The following EID1 variants were observed in gnomAD, a reference collection of about 807,000 sequenced individuals.
EID1 encodes the protein EP300-interacting inhibitor of differentiation 1.
In EID1, 3 loss-of-function variants were observed where a neutral mutation model predicts 13.7. That is an observed-to-expected ratio of 0.22 (90% CI 0.10 to 0.57). The LOEUF is 0.57. Ranked by LOEUF, EID1 falls within the 20% of genes least tolerant of loss-of-function variation. The probability of loss-of-function intolerance (pLI) is 0.92; values close to 1 mark genes in which losing one functional copy is unlikely to be tolerated. For synonymous variants in EID1, 105 were observed against 97.6 expected, an observed-to-expected ratio of 1.08 and a Z score of -0.44; for missense variants, 261 against 247.6, an observed-to-expected ratio of 1.05 and a Z score of -0.36.
rs377406557 is a variant in EID1, at chr15:48,878,213, G to C, written c.37G>C (p.Glu13Gln). The change falls in exon 1 of 1, where the codon GAG becomes CAG. Residue 13 changes from glutamate (E) to glutamine (Q), a missense_variant. By Grantham distance (29) the Glu-to-Gln change is conservative. Coordinates refer to ENST00000530028, the MANE Select transcript of EID1 (RefSeq NM_014335.3). ...EMAELSELYE[E>Q]SSDLQMDVMP... is the part of the protein sequence containing the mutation. ...GGCTGAGTTGTCCGAGCTGTATGAAGAGAGCAGTGACCTGCAGATGGATGT... is the reference window on the plus strand; with the variant it reads ...GGCTGAGTTGTCCGAGCTGTATGAACAGAGCAGTGACCTGCAGATGGATGT... The C allele has an allele frequency of 3.8e-6, 6 of 1,593,812 alleles. No homozygotes were observed. In the Admixed American group the frequency reaches 5.1e-5, roughly 14 times the overall value.
chr15:48,879,346 TTTTG>T lies in EID1; in HGVS notation c.*612_*615del, dbSNP rs1360445760. 4 of 167,174 alleles carry T rather than the reference TTTTG, an allele frequency of 2.4e-5. No individual in the cohort carries two copies. Among genetic ancestry groups the T allele is most frequent in the Non-Finnish European group, 4.4e-5 (3 of 68,170 alleles). 10.4% of individuals were successfully genotyped at this position (167,174 alleles called of 1,614,324 possible). Reference sequence around the variant, plus strand: ...GATGTGTTTCCAAGAGCATCTGAAATTTTGTTTGTACATGTATCTTGATCATTTA... The same window carrying T: ...GATGTGTTTCCAAGAGCATCTGAAATTTTGTACATGTATCTTGATCATTTA... On this transcript the variant is annotated 3_prime_UTR_variant, in exon 1 of 1. Transcript: ENST00000530028.
Position 48,878,575 on chromosome 15 carries a change from G to C in EID1, c.399G>C (p.Lys133Asn), listed in dbSNP as rs1567059769. 2.5e-6 allele frequency: 4 copies of C among 1,614,078 alleles called. No homozygotes were observed. Among genetic ancestry groups the C allele is most frequent in the Non-Finnish European group, 3.4e-6 (4 of 1,179,898 alleles). Residue 133 changes from lysine to asparagine, a missense_variant, in exon 1 of 1, where the codon AAG (lysine) becomes AAC (asparagine). By Grantham distance (94) the Lys-to-Asn change is moderately conservative (BLOSUM62 0). This residue lies in a region of EID1 where 244 missense variants were observed against 210.8 expected (regional missense o/e 1.16). Coordinates refer to ENST00000530028, the MANE Select transcript of EID1 (RefSeq NM_014335.3). ...CAGCCGCTCTTGAAGAAGCCGACAA[G>C]ATGTTTCTGAGAACAAGAGAACCAG... is the stretch of plus-strand genomic sequence containing the variant. ...RVSAALEEAD[K>N]MFLRTREPAL...
rs1236981975 is a variant in EID1, at chr15:48,878,333, G to A, written c.157G>A (p.Glu53Lys). ...RPSRSGAQQL[E>K]EEGPMEEEEA... ...CTCCCGCAGCGGGGCCCAACAGCTC[G>A]AGGAGGAAGGCCCAATGGAGGAGGA... The change falls in exon 1 of 1, where the codon GAG becomes AAG. Residue 53 changes from glutamate to lysine, a missense_variant. By Grantham distance (56) the Glu-to-Lys change is moderately conservative. Transcript: ENST00000530028. 13 of 1,613,630 alleles carry A rather than the reference G, an allele frequency of 8.1e-6. No homozygotes were observed. Among genetic ancestry groups the A allele is most frequent in the Non-Finnish European group, 1.1e-5 (13 of 1,179,646 alleles).
chr15:48,878,173 C>G lies in EID1; in HGVS notation c.-4C>G, dbSNP rs767143351. 6.5e-7 allele frequency: 1 copy of G among 1,548,276 alleles called. No individual in the cohort carries two copies. Among genetic ancestry groups the G allele is most frequent in the African/African-American group, 1.4e-5 (1 of 73,406 alleles). ...TTTTTCCTAGAGGTTGAGCGGTTTG[C>G]ACAATGTCGGAAATGGCTGAGTTGT... On this transcript the variant is annotated 5_prime_UTR_variant, in exon 1 of 1. Transcript: ENST00000530028.
In EID1 at chr15:48,878,306, C is replaced by G; in HGVS notation, c.130C>G (p.Pro44Ala). ...GSGSRELSLR[P>A]SRSGAQQLEE... ...CGGGAGCCGGGAGCTATCCCTGCGT[C>G]CCTCCCGCAGCGGGGCCCAACAGCT... The change falls in exon 1 of 1, where the codon CCC (proline) becomes GCC (alanine). Residue 44 changes from proline (P) to alanine (A), a missense_variant. This residue lies in a region of EID1 where 244 missense variants were observed against 210.8 expected (regional missense o/e 1.16). Transcript: ENST00000530028. The G allele has an allele frequency of 6.2e-7, 1 of 1,613,730 alleles. No individual in the cohort carries two copies. Among genetic ancestry groups the G allele is most frequent in the African/African-American group, 1.3e-5 (1 of 75,078 alleles).
chr15:48,879,620 T>A lies in EID1; in HGVS notation c.*880T>A, dbSNP rs928174565. 6.0e-6 allele frequency: 1 copy of A among 167,080 alleles called. No individual in the cohort carries two copies. The highest frequency in any genetic ancestry group is 2.4e-5 in the African/African-American group (1 of 41,452). 10.3% of individuals were successfully genotyped at this position (167,080 alleles called of 1,614,324 possible). ...ATATTGTAAGAACTGTTAATAAAAG[T>A]TGTCAAGTAAAAAGCGCTATATCTA... is the stretch of plus-strand genomic sequence containing the variant. On this transcript the variant is annotated 3_prime_UTR_variant, in exon 1 of 1. Coordinates refer to ENST00000530028, the MANE Select transcript of EID1 (RefSeq NM_014335.3).
Position 48,878,602 on chromosome 15 carries a change from C to T in EID1, c.426C>T (p.Ala142=). ...DKMFLRTREP[A]LDGGFQMHYE... is the part of the protein sequence containing the mutation. ...TGTTTCTGAGAACAAGAGAACCAGC[C>T]CTGGATGGCGGGTTTCAGATGCATT... The change falls in exon 1 of 1, where the codon GCC becomes GCT. Residue 142 remains alanine, a synonymous_variant. Coordinates refer to ENST00000530028, the MANE Select transcript of EID1 (RefSeq NM_014335.3). The T allele has an allele frequency of 1.2e-6, 2 of 1,614,018 alleles. No homozygotes were observed. Among genetic ancestry groups the T allele is most frequent in the South Asian group, 1.1e-5 (1 of 91,090 alleles).
chr15:48,878,435 C>G lies in EID1; in HGVS notation c.259C>G (p.Gln87Glu). Residue 87 changes from glutamine (Q) to glutamate (E), a missense_variant, in exon 1 of 1, where the codon CAG becomes GAG. Transcript: ENST00000530028. ...GCCCAACGCTGGGGAGCAGCCAGGC[C>G]AGGTGGCGGGCGCAGACTTCGAGAG... ...NGPNAGEQPGQVAGADFESED... is the reference protein window; with the variant it reads ...NGPNAGEQPGEVAGADFESED... 6.2e-7 allele frequency: 1 copy of G among 1,612,806 alleles called. No homozygotes were observed. Among genetic ancestry groups the G allele is most frequent in the Non-Finnish European group, 8.5e-7 (1 of 1,179,334 alleles).
rs1899885312 is a variant in EID1, at chr15:48,878,921, TAAAG to T, written c.*185_*188del. ...AGTTGTGAAAAAGGAAGAGAATCAT[TAAAG>T]AAAAAGAAAAAAGATTTTAAGACCG... is the stretch of plus-strand genomic sequence containing the variant. On this transcript the variant is annotated 3_prime_UTR_variant, in exon 1 of 1. Transcript: ENST00000530028. 1 of 513,832 alleles carries T rather than the reference TAAAG, an allele frequency of 1.9e-6. No individual in the cohort carries two copies. The highest frequency in any genetic ancestry group is 3.0e-5 in the East Asian group (1 of 33,602). 31.8% of individuals were successfully genotyped at this position (513,832 alleles called of 1,614,324 possible).
At position 48,878,317 on chromosome 15, in the gene EID1, C is replaced by T. The variant is rs375455351; in HGVS notation, c.141C>T (p.Ser47=). The T allele has an allele frequency of 3.6e-5, 58 of 1,613,428 alleles. No homozygotes were observed. In the African/African-American group the frequency reaches 6.8e-4, roughly 19 times the overall value. The change falls in exon 1 of 1, where the codon AGC becomes AGT. Residue 47 remains serine, a synonymous_variant. Coordinates refer to ENST00000530028, the MANE Select transcript of EID1 (RefSeq NM_014335.3). ...AGCTATCCCTGCGTCCCTCCCGCAGCGGGGCCCAACAGCTCGAGGAGGAAG... is the reference window on the plus strand; with the variant it reads ...AGCTATCCCTGCGTCCCTCCCGCAGTGGGGCCCAACAGCTCGAGGAGGAAG... ...SRELSLRPSR[S]GAQQLEEEGP...
At position 48,878,417 on chromosome 15, in the gene EID1, G is replaced by A. The variant is rs1899868190; in HGVS notation, c.241G>A (p.Ala81Thr). Residue 81 changes from alanine (A) to threonine (T), a missense_variant, in exon 1 of 1, where the codon GCT becomes ACT. Transcript: ENST00000530028. ...ACGGAGCCTTGCTAACGGGCCCAACGCTGGGGAGCAGCCAGGCCAGGTGGC... is the reference window on the plus strand; with the variant it reads ...ACGGAGCCTTGCTAACGGGCCCAACACTGGGGAGCAGCCAGGCCAGGTGGC... ...GKRSLANGPN[A>T]GEQPGQVAGA... 1.9e-6 allele frequency: 3 copies of A among 1,611,984 alleles called. No individual in the cohort carries two copies. The African/African-American group carries it at 4.0e-5, about 22-fold the overall frequency.
chr15:48,878,343 G>T lies in EID1; in HGVS notation c.167G>T (p.Gly56Val). The part of the protein sequence containing the change: ...RSGAQQLEEE[G>V]PMEEEEAQPM... The stretch of plus-strand genomic sequence containing the variant: ...GGGGCCCAACAGCTCGAGGAGGAAG[G>T]CCCAATGGAGGAGGAGGAGGCCCAG... Residue 56 changes from glycine (G) to valine (V), a missense_variant, in exon 1 of 1, where the codon GGC becomes GTC. Gly to Val is a moderately radical substitution (Grantham distance 109). Coordinates refer to ENST00000530028, the MANE Select transcript of EID1 (RefSeq NM_014335.3). 1 of 1,613,686 alleles carries T rather than the reference G, an allele frequency of 6.2e-7. No individual in the cohort carries two copies. Among genetic ancestry groups the T allele is most frequent in the African/African-American group, 1.3e-5 (1 of 75,068 alleles).
Position 48,878,784 on chromosome 15 carries a change from C to G in EID1, c.*44C>G, listed in dbSNP as rs773420485. The G allele has an allele frequency of 6.5e-7, 1 of 1,535,424 alleles. No homozygotes were observed. Among genetic ancestry groups the G allele is most frequent in the East Asian group, 2.3e-5 (1 of 43,654 alleles). On this transcript the variant is annotated 3_prime_UTR_variant, in exon 1 of 1. Coordinates refer to ENST00000530028, the MANE Select transcript of EID1 (RefSeq NM_014335.3). ...GGAGGAAACTACTTGAGGAGGGACC[C>G]AACTTTCCGCTATCTTTTGGGTTCA...
rs759416600 is a variant in EID1, at chr15:48,878,438, G to C, written c.262G>C (p.Val88Leu). Residue 88 changes from valine (V) to leucine (L), a missense_variant, in exon 1 of 1, where the codon GTG becomes CTG. Physicochemically the swap from Val to Leu is conservative, Grantham distance 32. This residue lies in a region of EID1 where 244 missense variants were observed against 210.8 expected (regional missense o/e 1.16). Coordinates refer to ENST00000530028, the MANE Select transcript of EID1 (RefSeq NM_014335.3). ...CAACGCTGGGGAGCAGCCAGGCCAG[G>C]TGGCGGGCGCAGACTTCGAGAGCGA... ...GPNAGEQPGQ[V>L]AGADFESEDE... 3.1e-6 allele frequency: 5 copies of C among 1,612,944 alleles called. No individual in the cohort carries two copies. Among genetic ancestry groups the C allele is most frequent in the Non-Finnish European group, 3.4e-6 (4 of 1,179,446 alleles).
chr15:48,878,829 A>G lies in EID1; in HGVS notation c.*89A>G. 1 of 1,331,640 alleles carries G rather than the reference A, an allele frequency of 7.5e-7. No homozygotes were observed. Among genetic ancestry groups the G allele is most frequent in the East Asian group, 2.5e-5 (1 of 40,258 alleles). 82.5% of individuals were successfully genotyped at this position (1,331,640 alleles called of 1,614,324 possible). A position where few individuals can be genotyped will look rare whatever the true frequency, so the allele number is the denominator to read the frequency against. ...GGTTCATTCCAAATAGTTTTGTGCC[A>G]TTGAAAAACTTGACCTTCAAAAAAA... On this transcript the variant is annotated 3_prime_UTR_variant, in exon 1 of 1. Coordinates refer to ENST00000530028, the MANE Select transcript of EID1 (RefSeq NM_014335.3).
At position 48,878,191 on chromosome 15, in the gene EID1, T is replaced by A. The variant is rs745818264; in HGVS notation, c.15T>A (p.Ala5=). The change falls in exon 1 of 1, where the codon GCT becomes GCA. Residue 5 remains alanine, a synonymous_variant. Transcript: ENST00000530028. ...CGGTTTGCACAATGTCGGAAATGGCTGAGTTGTCCGAGCTGTATGAAGAGA... is the reference window on the plus strand; with the variant it reads ...CGGTTTGCACAATGTCGGAAATGGCAGAGTTGTCCGAGCTGTATGAAGAGA... MSEM[A]ELSELYEESS... is the part of the protein sequence containing the mutation. 2 of 1,560,362 alleles carry A rather than the reference T, an allele frequency of 1.3e-6. No homozygotes were observed. The highest frequency in any genetic ancestry group is 8.7e-7 in the Non-Finnish European group (1 of 1,149,394).
rs1899911545 is a variant in EID1 at position 48,880,089 on chromosome 15, T to C, written c.*1349T>C. 6.0e-6 allele frequency: 1 copy of C among 167,118 alleles called. No homozygotes were observed. Among genetic ancestry groups the C allele is most frequent in the Non-Finnish European group, 1.5e-5 (1 of 68,128 alleles). 10.4% of individuals were successfully genotyped at this position (167,118 alleles called of 1,614,324 possible). A position where few individuals can be genotyped will look rare whatever the true frequency, so the allele number is the denominator to read the frequency against. ...AAGGCTAGGTTCAGCAAAATAAGTGTATCAGCAGGTTTTATCATGATCAGT... is the reference window on the plus strand; with the variant it reads ...AAGGCTAGGTTCAGCAAAATAAGTGCATCAGCAGGTTTTATCATGATCAGT... On this transcript the variant is annotated 3_prime_UTR_variant, in exon 1 of 1. Coordinates refer to ENST00000530028, the MANE Select transcript of EID1 (RefSeq NM_014335.3).
Position 48,878,570 on chromosome 15 carries a change from G to T in EID1, c.394G>T (p.Asp132Tyr). The T allele has an allele frequency of 6.2e-7, 1 of 1,614,050 alleles. No homozygotes were observed. The highest frequency in any genetic ancestry group is 2.2e-5 in the East Asian group (1 of 44,892). Residue 132 changes from aspartate (D) to tyrosine (Y), a missense_variant, in exon 1 of 1, where the codon GAC becomes TAC. This residue lies in a region of EID1 where 244 missense variants were observed against 210.8 expected (regional missense o/e 1.16). Coordinates refer to ENST00000530028, the MANE Select transcript of EID1 (RefSeq NM_014335.3). The stretch of plus-strand genomic sequence containing the variant: ...AGTATCAGCCGCTCTTGAAGAAGCC[G>T]ACAAGATGTTTCTGAGAACAAGAGA... Reference protein sequence around the residue: ...YRVSAALEEADKMFLRTREPA... With the variant: ...YRVSAALEEAYKMFLRTREPA...
Position 48,879,617 on chromosome 15 carries a change from A to C in EID1, c.*877A>C, listed in dbSNP as rs2140999903. 1 of 167,208 alleles carries C rather than the reference A, an allele frequency of 6.0e-6. No homozygotes were observed. The highest frequency in any genetic ancestry group is 3.4e-3 in the Middle Eastern group (1 of 296). 10.4% of individuals were successfully genotyped at this position (167,208 alleles called of 1,614,324 possible). Reference sequence around the variant, plus strand: ...TTCATATTGTAAGAACTGTTAATAAAAGTTGTCAAGTAAAAAGCGCTATAT... The same window carrying C: ...TTCATATTGTAAGAACTGTTAATAACAGTTGTCAAGTAAAAAGCGCTATAT... On this transcript the variant is annotated 3_prime_UTR_variant, in exon 1 of 1. Transcript: ENST00000530028.
Sources: allele counts gnomAD v4.1 joint callset, GRCh38; gene constraint gnomAD v4.1.1; regional missense constraint gnomAD v4.1.1; transcripts MANE v1.5; gene names NCBI Gene and HGNC (gene_info 2026-07-23, HGNC 2026-07-21).